The following RTL4 variants were observed in gnomAD, a reference collection of about 807,000 sequenced individuals.
The protein encoded by RTL4 is retrotransposon Gag like 4, also known as retrotransposon Gag-like protein 4.
Under a neutral mutation model 5.3 loss-of-function variants are expected in RTL4, and 4 were observed. The ratio of observed to expected loss-of-function variants is 0.75; its 90% CI spans 0.37 to 1.72. The LOEUF is 1.72. RTL4 is among the 40% of genes most tolerant of loss of function. The pLI is 0.04. For synonymous variants in RTL4, 98 were observed against 87.3 expected, an observed-to-expected ratio of 1.12 and a Z score of -0.68; for missense variants, 260 against 227.1, an observed-to-expected ratio of 1.14 and a Z score of -0.93.
chrX:112,434,938 T>C, the RTL4 span, among the ~76,000 whole-genome samples: 1 of 111,029 alleles, frequency 9.0e-6, no homozygotes, highest in African/African-American at 3.3e-5. Context: ...TCAGGAAGCT[T>C]ACGTCAGGTG....
the RTL4 span, among the ~76,000 whole-genome samples, chrX:112,311,418 G>A: frequency 9.0e-6 from 1 of 110,678 alleles, no homozygotes; most frequent in Non-Finnish European, 1.9e-5. Context: ...ATTAATCACT[G>A]GATCCTAACA....
the RTL4 span, among the ~76,000 whole-genome samples, chrX:112,281,816 G>A: frequency 6.3e-5 from 7 of 111,403 alleles, no homozygotes; most frequent in Admixed American, 9.5e-5. Flanking sequence ...ATTTGGGTCC[G>A]TTACTCAATT....
At chrX:112,205,234 A>G in the RTL4 span, among the ~76,000 whole-genome samples, 1 of 111,101 alleles carries the variant, frequency 9.0e-6, no homozygotes, top group African/African-American at 3.3e-5. Context: ...AAAAGCACAG[A>G]GCTCTGAGGC....
chrX:112,278,515 C>T, the RTL4 span, among the ~76,000 whole-genome samples: 1 of 111,701 alleles, frequency 9.0e-6, no homozygotes. Context: ...CAAAATGGGA[C>T]ATTTTTGAGT....
chrX:112,361,583 G>A, the RTL4 span, among the ~76,000 whole-genome samples: 1 of 110,719 alleles, frequency 9.0e-6, no homozygotes, highest in Non-Finnish European at 1.9e-5. Flanking sequence ...GATTTTATGG[G>A]GTTTCTTTCT....
At chrX:112,237,132 A>G in the RTL4 span, among the ~76,000 whole-genome samples, 2 of 111,921 alleles carry the variant, frequency 1.8e-5, no homozygotes, top group African/African-American at 6.5e-5. Flanking sequence ...CCTAATAAAG[A>G]ATTCTAGATT....
At chrX:112,113,800 A>T in the RTL4 span, among the ~76,000 whole-genome samples, 1 of 111,894 alleles carries the variant, frequency 8.9e-6, no homozygotes, top group Admixed American at 9.5e-5. Context: ...ACTGATAACA[A>T]GCCACACCAG....
chrX:112,220,200 G>T, the RTL4 span, among the ~76,000 whole-genome samples: 1 of 112,392 alleles, frequency 8.9e-6, no homozygotes. Context: ...TAAGAATAAG[G>T]TCAAATTATT....
the RTL4 span, among the ~76,000 whole-genome samples, chrX:112,167,658 C>A: frequency 9.2e-6 from 1 of 108,250 alleles, no homozygotes. Flanking sequence ...GGTGGGAAAC[C>A]AAGTTTAAGT....
chrX:112,285,526 C>T, the RTL4 span, among the ~76,000 whole-genome samples: 3 of 111,311 alleles, frequency 2.7e-5, no homozygotes, highest in Admixed American at 2.9e-4. Context: ...CCTCCCAAAT[C>T]AAGGCAACCC....
At chrX:112,335,303 GT>G in the RTL4 span, among the ~76,000 whole-genome samples, 1 of 110,908 alleles carries the variant, frequency 9.0e-6, no homozygotes, top group South Asian at 3.8e-4. Flanking sequence ...CTACTCTTCT[GT>G]TTTTTGGCTT....
chrX:112,218,698 A>G, the RTL4 span, among the ~76,000 whole-genome samples: 8 of 111,121 alleles, frequency 7.2e-5, no homozygotes, highest in Non-Finnish European at 3.8e-5. Context: ...TGGTTTTTCA[A>G]TAGCCCGTAA....
At chrX:112,328,677 A>G in the RTL4 span, among the ~76,000 whole-genome samples, 13 of 111,716 alleles carry the variant, frequency 1.2e-4, no homozygotes, top group African/African-American at 4.2e-4. Flanking sequence ...ATCTAGAGAA[A>G]TCTCCACCCC....
chrX:112,259,994 C>G, the RTL4 span, among the ~76,000 whole-genome samples: 1 of 111,854 alleles, frequency 8.9e-6, no homozygotes, highest in African/African-American at 3.2e-5. Context: ...TGCTTCTGTA[C>G]ACCCATGTTA....
the RTL4 span, among the ~76,000 whole-genome samples, chrX:112,432,774 G>A: frequency 2.9e-4 from 31 of 108,532 alleles, no homozygotes; most frequent in African/African-American, 1.0e-3. Context: ...TGTTGCCATT[G>A]CTTTTGGTGT....
the RTL4 span, among the ~76,000 whole-genome samples, chrX:112,126,171 G>A: frequency 1.8e-5 from 2 of 111,876 alleles, no homozygotes; most frequent in African/African-American, 6.5e-5. Context: ...TCCCTAAGAA[G>A]TTGTTAACAC....
At chrX:112,352,914 A>G in the RTL4 span, among the ~76,000 whole-genome samples, 1 of 111,630 alleles carries the variant, frequency 9.0e-6, no homozygotes, top group Admixed American at 9.5e-5. Context: ...ATGGGAGAAA[A>G]TTTTCGCAAT....
the RTL4 span, among the ~76,000 whole-genome samples, chrX:112,264,923 A>G: frequency 5.3e-5 from 6 of 112,805 alleles, no homozygotes; most frequent in East Asian, 1.7e-3. Context: ...TGTTCCCCAT[A>G]AGCACCAGCA....
the RTL4 span, among the ~76,000 whole-genome samples, chrX:112,322,804 T>C: frequency 8.9e-6 from 1 of 111,943 alleles, no homozygotes; most frequent in Non-Finnish European, 1.9e-5. Flanking sequence ...ATACTTTTTT[T>C]GTATCTTGCA....
Sources: gnomAD v4.1 joint callset for allele counts (sites outside exome capture counted in the v4.1 genomes callset) on GRCh38, gnomAD v4.1.1 for gene constraint, MANE v1.5 for transcripts, NCBI Gene and HGNC (gene_info 2026-07-23, HGNC 2026-07-21) for gene names.